Variants in AFAP1L2 observed in about 807,000 individuals in gnomAD.
AFAP1L2 encodes actin filament-associated protein 1-like 2.
A neutral mutation model predicts 99.3 loss-of-function variants in AFAP1L2; 46 were observed. The ratio of observed to expected loss-of-function variants is 0.46; its 90% confidence interval spans 0.37 to 0.59. AFAP1L2 has a LOEUF of 0.59. Among genes scored for constraint, AFAP1L2 ranks in the 20% least tolerant of loss-of-function variants. AFAP1L2 has a pLI of 0.00. For synonymous variants in AFAP1L2, 397 were observed against 419.1 expected (o/e 0.95, Z 0.64); for missense variants, 959 against 1,034.9 (o/e 0.93, Z 1.01).
chr10:114,315,500 G>C, intron 6 of AFAP1L2, 60 bp downstream of exon 6: 1 of 1,505,092 alleles, frequency 6.6e-7, no homozygotes, highest in South Asian at 1.2e-5. Flanking sequence ...CTCCTTCCCT[G>C]TCCCTGCCCC....
At chr10:114,300,818 T>TG (rs984249123) in intron 13 of AFAP1L2, 128 bp from the exon 14 acceptor site, 147 of 1,270,552 alleles carry the variant, frequency 1.2e-4, no homozygotes, top group Non-Finnish European at 1.3e-4. Context: ...CCCTCCCTGC[T>TG]GGGGGGGCCA....
the AFAP1L2 span, among the ~76,000 whole-genome samples, chr10:114,283,362 TAGA>T: frequency 6.6e-6 from 1 of 151,508 alleles, no homozygotes; most frequent in African/African-American, 2.4e-5. Context: ...AGCGAGCAGT[TAGA>T]CACACAGGCA....
At chr10:114,289,299 C>T in the AFAP1L2 span, 78 of 1,613,828 alleles carry the variant, frequency 4.8e-5, no homozygotes, top group South Asian at 4.4e-4. Context: ...GCGGGAGAGG[C>T]GCAGAGGATG....
intron 2 of AFAP1L2, among the ~76,000 whole-genome samples, chr10:114,339,403 C>T (rs192580254): frequency 2.6e-4 from 39 of 152,204 alleles, no homozygotes; most frequent in African/African-American, 8.9e-4. Context: ...GCGGAGATCG[C>T]GCCACAACAC....
Position 114,300,658 on chromosome 10 carries a change from T to C in AFAP1L2, c.1575A>G (p.Ala525=), listed in dbSNP as rs913706513. ...CAGATTCTCTCTCATTTGGGTCATC[T>C]GCAACAGGGGTGGCTTCCTCGGTAG... The part of the protein sequence containing the change: ...VEPTEEATPV[A]DDPNERESDR... The change falls in exon 14 of 19, where the codon GCA becomes GCG. Residue 525 remains alanine (A), a synonymous_variant. Coordinates refer to ENST00000304129, the MANE Select transcript of AFAP1L2 (RefSeq NM_001001936.3). The C allele has an allele frequency of 3.1e-6, 5 of 1,607,450 alleles. No individual in the cohort carries two copies. In the Admixed American group the frequency reaches 6.7e-5, roughly 22 times the overall value.
chr10:114,398,844 TACTC>T, intron 1 of AFAP1L2: 1 of 1,304,284 alleles, frequency 7.7e-7, no homozygotes, highest in Non-Finnish European at 1.0e-6. Flanking sequence ...GACAGGCTCA[TACTC>T]ACACGCAGAA....
At chr10:114,391,298 C>T (rs373328729) in intron 1 of AFAP1L2, among the ~76,000 whole-genome samples, 2 of 152,098 alleles carry the variant, frequency 1.3e-5, no homozygotes, top group African/African-American at 4.8e-5. Context: ...CAGTTCACTG[C>T]AACCTCTACC....
At chr10:114,299,445 A>G in intron 15 of AFAP1L2, 30 bp from the exon 16 acceptor site, 3 of 1,612,804 alleles carry the variant, frequency 1.9e-6, no homozygotes, top group South Asian at 1.1e-5. Context: ...AGCCCCAGGT[A>G]AGCAGAGCTG....
chr10:114,284,527 C>T, the AFAP1L2 span, among the ~76,000 whole-genome samples: 1 of 151,916 alleles, frequency 6.6e-6, no homozygotes, highest in Non-Finnish European at 1.5e-5. Context: ...AAGACAGGGC[C>T]CCATTGGCAC....
chr10:114,358,978 C>T (rs7071280), intron 1 of AFAP1L2, among the ~76,000 whole-genome samples: 149,451 of 152,274 alleles, frequency 0.98, 73,415 homozygotes, highest in East Asian at 1. Flanking sequence ...GACGACTGTT[C>T]GCCTAGATTC....
chr10:114,305,625 G>GGATGCAGATGCAGGAGGA (rs1200672107), intron 10 of AFAP1L2, among the ~76,000 whole-genome samples: 8 of 128,282 alleles, frequency 6.2e-5, no homozygotes, highest in African/African-American at 2.1e-4. Flanking sequence ...ATGCAGGAGG[G>GGATGCAGATGCAGGAGGA]GATGCAGATG....
Position 114,315,635 on chromosome 10 carries a change from G to A in AFAP1L2, c.537C>T (p.Cys179=), listed in dbSNP as rs747144832. Residue 179 remains cysteine (C), a synonymous_variant, in exon 6 of 19, where the codon TGC becomes TGT. Transcript: ENST00000304129. ...GCCACTTCTTGCGCCACAGGAAGGC[G>A]CAGATGCGGGCGTCACGCATCAGCT... ...GIELMRDARI[C]AFLWRKKWLG... The A allele has an allele frequency of 6.8e-6, 11 of 1,613,926 alleles. No individual in the cohort carries two copies. The highest frequency in any genetic ancestry group is 4.5e-5 in the East Asian group (2 of 44,880).
chr10:114,366,839 G>C (rs187325345), intron 1 of AFAP1L2, among the ~76,000 whole-genome samples: 1 of 152,096 alleles, frequency 6.6e-6, no homozygotes, highest in Non-Finnish European at 1.5e-5. Flanking sequence ...GTGGTGTCGC[G>C]CGCCTTTAGT....
chr10:114,378,509 A>C (rs2055111422), intron 1 of AFAP1L2, among the ~76,000 whole-genome samples: 3 of 152,226 alleles, frequency 2.0e-5, no homozygotes, highest in African/African-American at 7.2e-5. Flanking sequence ...TAGAACATAA[A>C]CGAATGTCTT....
At chr10:114,393,417 C>T (rs1033537530) in intron 1 of AFAP1L2, 9 of 152,238 alleles carry the variant, frequency 5.9e-5, no homozygotes, top group Non-Finnish European at 1.2e-4. Flanking sequence ...TTTGCTCTTA[C>T]GCTCAACAAT....
At chr10:114,354,924 T>C (rs186099366) in intron 1 of AFAP1L2, among the ~76,000 whole-genome samples, 83 of 152,302 alleles carry the variant, frequency 5.4e-4, no homozygotes, top group African/African-American at 1.9e-3. Flanking sequence ...TTTCTAAATA[T>C]AGAAGTGAAG....
At chr10:114,319,277 C>G (rs1001796317) in intron 5 of AFAP1L2, among the ~76,000 whole-genome samples, 24 of 151,572 alleles carry the variant, frequency 1.6e-4, no homozygotes, top group Non-Finnish European at 2.5e-4. Flanking sequence ...TCTGCCATCC[C>G]TAGGTAGACT....
intron 13 of AFAP1L2, 91 bp from the exon 14 acceptor site, chr10:114,300,781 C>T (rs2041024794): frequency 1.3e-6 from 2 of 1,484,064 alleles, no homozygotes; most frequent in African/African-American, 1.4e-5. Flanking sequence ...AGTTCTGGTG[C>T]CCATCTCACA....
intron 11 of AFAP1L2, among the ~76,000 whole-genome samples, chr10:114,303,138 C>CTA (rs2041520796): frequency 6.6e-6 from 1 of 152,038 alleles, no homozygotes; most frequent in East Asian, 1.9e-4. Context: ...TGTTTCTTAC[C>CTA]TTTATAATGA....
Sources: allele counts gnomAD v4.1 joint callset (sites outside exome capture counted in the v4.1 genomes callset), GRCh38; gene constraint gnomAD v4.1.1; transcripts MANE v1.5; gene names NCBI Gene and HGNC (gene_info 2026-07-23, HGNC 2026-07-21).